The following DSCAM variants were observed in gnomAD, a reference collection of about 807,000 sequenced individuals.
DSCAM encodes the protein cell adhesion molecule DSCAM.
Under a neutral mutation model 217.7 loss-of-function variants are expected in DSCAM, and 47 were observed. The ratio of observed to expected loss-of-function variants is 0.22; its 90% confidence interval spans 0.17 to 0.28. The LOEUF (loss-of-function observed/expected upper bound fraction) is 0.28. Ranked by LOEUF, DSCAM falls within the 10% of genes least tolerant of loss-of-function variation. DSCAM has a pLI of 1.00. For missense variants in DSCAM, 2,080 were observed against 2,618.3 expected, an observed-to-expected ratio of 0.79 and a Z score of 4.49; for synonymous variants, 1,056 against 1,015.3, an observed-to-expected ratio of 1.04 and a Z score of -0.76.
At chr21:40,600,308 G>A (rs2077052846) in intron 3 of DSCAM, among the ~76,000 whole-genome samples, 1 of 152,142 alleles carries the variant, frequency 6.6e-6, no homozygotes, top group East Asian at 1.9e-4. Flanking sequence ...CAGCAGATTT[G>A]CTGTCTTGTG....
rs1484465350 is a variant in DSCAM at position 40,835,997 on chromosome 21, C to T, written c.43+10622G>A. ...AAGAACATCCAACAGAGCAAATGACCCAAAGCCCTTCAGATCTGGCTCTGG... is the reference window on the plus strand; with the variant it reads ...AAGAACATCCAACAGAGCAAATGACTCAAAGCCCTTCAGATCTGGCTCTGG... On this transcript the variant is annotated intron_variant, in intron 1 of 32. Coordinates refer to ENST00000400454, the MANE Select transcript of DSCAM (RefSeq NM_001389.5). Among the ~76,000 whole-genome samples, 7 of 152,130 alleles carry T rather than the reference C, an allele frequency of 4.6e-5. No individual in the cohort carries two copies. In the South Asian group the frequency reaches 8.3e-4, roughly 18 times the overall value.
At chr21:40,498,665 AC>A (rs1157166796) in intron 3 of DSCAM, among the ~76,000 whole-genome samples, 1 of 74,328 alleles carries the variant, frequency 1.3e-5, no homozygotes, top group African/African-American at 6.0e-5. Flanking sequence ...GTATATATAT[AC>A]CCATATATAT....
chr21:40,044,589 G>T (rs1454536815), intron 30 of DSCAM, among the ~76,000 whole-genome samples: 1 of 152,170 alleles, frequency 6.6e-6, no homozygotes, highest in Non-Finnish European at 1.5e-5. Context: ...GCTAGAAATG[G>T]AATGAGGGGA....
At chr21:40,226,979 T>C (rs1163359890) in intron 11 of DSCAM, among the ~76,000 whole-genome samples, 1 of 152,174 alleles carries the variant, frequency 6.6e-6, no homozygotes, top group Non-Finnish European at 1.5e-5. Context: ...TAGTTCCCAC[T>C]TGTAAGTGAG....
intron 3 of DSCAM, among the ~76,000 whole-genome samples, chr21:40,685,547 T>C (rs1158158575): frequency 1.3e-5 from 2 of 152,192 alleles, no homozygotes; most frequent in Non-Finnish European, 2.9e-5. Context: ...TCATGACTCA[T>C]TGCTGGAGAA....
Position 40,434,604 on chromosome 21 carries a change from C to G in DSCAM, c.509-65359G>C, listed in dbSNP as rs543838791. 2.1e-4 allele frequency among the ~76,000 whole-genome samples: 32 copies of G among 152,246 alleles called. 1 individual carries two copies. The South Asian group carries it at 2.3e-3, about 11-fold the overall frequency. ...TAGGAAAACAAGGTGAGCAATTTTC[C>G]TAATCAGGCCATCAGGTGGAAATAA... is the stretch of plus-strand genomic sequence containing the variant. On this transcript the variant is annotated intron_variant, in intron 3 of 32. Transcript: ENST00000400454.
chr21:40,706,523 A>G (rs2090719632), intron 2 of DSCAM, among the ~76,000 whole-genome samples: 1 of 152,232 alleles, frequency 6.6e-6, no homozygotes, highest in Non-Finnish European at 1.5e-5. Flanking sequence ...TTATGAAGTC[A>G]TTCTACCTAA....
intron 3 of DSCAM, among the ~76,000 whole-genome samples, chr21:40,487,819 T>C (rs1370209119): frequency 6.6e-6 from 1 of 152,156 alleles, no homozygotes; most frequent in Non-Finnish European, 1.5e-5. Flanking sequence ...TGAGTTTTCA[T>C]AGATGGTTCT....
Position 40,026,178 on chromosome 21 carries a change from G to A in DSCAM, c.5687-12792C>T, listed in dbSNP as rs576592764. Among the ~76,000 whole-genome samples, 8 of 141,738 alleles carry A rather than the reference G, an allele frequency of 5.6e-5. 1 individual carries two copies. Among genetic ancestry groups the A allele is most frequent in the South Asian group, 5.3e-4 (2 of 3,790 alleles). The allele number at this position is 141,738 out of a possible 152,430, so 93.0% of individuals were successfully genotyped here. A position where few individuals can be genotyped will look rare whatever the true frequency, so the allele number is the denominator to read the frequency against. On this transcript the variant is annotated intron_variant, in intron 32 of 32. Transcript: ENST00000400454. ...TTGTTCAGTTTCCATGTAGTTGAGCGATTTTGAGTGAGATTCTTAATCCTG... is the reference window on the plus strand; with the variant it reads ...TTGTTCAGTTTCCATGTAGTTGAGCAATTTTGAGTGAGATTCTTAATCCTG...
chr21:40,735,233 C>T (rs773700079), intron 1 of DSCAM, among the ~76,000 whole-genome samples: 13 of 152,112 alleles, frequency 8.5e-5, no homozygotes, highest in Admixed American at 2.6e-4. Context: ...ACACCTAGTA[C>T]GGCACTGATA....
intron 18 of DSCAM, among the ~76,000 whole-genome samples, chr21:40,136,178 G>A (rs1386863007): frequency 6.6e-6 from 1 of 152,270 alleles, no homozygotes; most frequent in African/African-American, 2.4e-5. Context: ...GTGAGCATGT[G>A]TGGTCACCAG....
chr21:40,396,008 T>C (rs1365582703), intron 3 of DSCAM, among the ~76,000 whole-genome samples: 2 of 152,170 alleles, frequency 1.3e-5, no homozygotes, highest in African/African-American at 4.8e-5. Context: ...AAGCTGACTT[T>C]ATGCCTGTGC....
intron 3 of DSCAM, among the ~76,000 whole-genome samples, chr21:40,483,290 T>A (rs1364352722): frequency 2.0e-5 from 3 of 152,240 alleles, no homozygotes; most frequent in Non-Finnish European, 4.4e-5. Flanking sequence ...TTTCATTTCA[T>A]GTCGAATCTA....
At chr21:40,805,703 C>CTTTCT (rs745927764) in intron 1 of DSCAM, among the ~76,000 whole-genome samples, 2 of 116,824 alleles carry the variant, frequency 1.7e-5, no homozygotes, top group African/African-American at 2.6e-5. Flanking sequence ...ACAATGTTTT[C>CTTTCT]TTTCTTTTCT....
intron 32 of DSCAM, among the ~76,000 whole-genome samples, chr21:40,036,297 GA>G (rs1466582797): frequency 6.7e-6 from 1 of 149,540 alleles, no homozygotes; most frequent in African/African-American, 2.5e-5. Context: ...AAAGAGAGAA[GA>G]ATCAAATAGA....
intron 3 of DSCAM, among the ~76,000 whole-genome samples, chr21:40,456,436 A>G (rs2075764061): frequency 6.6e-6 from 1 of 152,174 alleles, no homozygotes; most frequent in Non-Finnish European, 1.5e-5. Context: ...CCCAGGCAGA[A>G]TAACATTTAA....
intron 16 of DSCAM, among the ~76,000 whole-genome samples, chr21:40,165,990 A>G (rs1267372502): frequency 1.3e-5 from 2 of 152,182 alleles, no homozygotes; most frequent in Non-Finnish European, 2.9e-5. Flanking sequence ...CTAAACAGTC[A>G]TATCACGCTG....
rs1235092752 is a variant in DSCAM at position 40,187,181 on chromosome 21, T to A, written c.2729A>T (p.Asp910Val). 6.2e-7 allele frequency: 1 copy of A among 1,614,170 alleles called. No individual in the cohort carries two copies. Among genetic ancestry groups the A allele is most frequent in the Non-Finnish European group, 8.5e-7 (1 of 1,180,018 alleles). The change falls in exon 14 of 33, where the codon GAT becomes GTT. Residue 910 changes from aspartate to valine, a missense_variant. Asp to Val is a radical substitution (Grantham distance 152). Transcript: ENST00000400454. ...TITLRWTMGF[D>V]GNSPITGYDI... ...GTAGCCTGTGATGGGACTGTTTCCA[T>A]CAAACCCCATGGTCCACCTGAGCGT...
intron 1 of DSCAM, among the ~76,000 whole-genome samples, chr21:40,810,604 A>C (rs752044390): frequency 3.3e-5 from 5 of 152,168 alleles, no homozygotes; most frequent in Non-Finnish European, 7.4e-5. Context: ...CTGAGGTAAT[A>C]ATGAAAATTT....
Sources: allele counts gnomAD v4.1 joint callset (sites outside exome capture counted in the v4.1 genomes callset), GRCh38; gene constraint gnomAD v4.1.1; transcripts MANE v1.5; gene names NCBI Gene and HGNC (gene_info 2026-07-23, HGNC 2026-07-21).